Variants in MCTP2 observed in about 807,000 individuals in gnomAD.
MCTP2 encodes the protein multiple C2 and transmembrane domain-containing protein 2.
A neutral mutation model predicts 111.6 loss-of-function variants in MCTP2; 132 were observed. That is an observed-to-expected ratio of 1.18 (90% CI 1.03 to 1.37). The LOEUF (loss-of-function observed/expected upper bound fraction) is 1.37, where lower values mean the gene tolerates loss of function less well. MCTP2 is among the 40% of genes most tolerant of loss of function. MCTP2 has a pLI of 0.00. For missense variants in MCTP2, 1,183 were observed against 1,067.9 expected (o/e 1.11, Z -1.50); for synonymous variants, 395 against 387.7 (o/e 1.02, Z -0.22).
chr15:94,451,121 T>G (rs551797350), intron 19 of MCTP2, among the ~76,000 whole-genome samples: 3 of 152,362 alleles, frequency 2.0e-5, no homozygotes, highest in Non-Finnish European at 2.9e-5. Context: ...TTATTTGTTC[T>G]TAGTTCTGCT....
At chr15:94,355,069 C>T (rs538767214) in intron 8 of MCTP2, among the ~76,000 whole-genome samples, 5 of 152,286 alleles carry the variant, frequency 3.3e-5, no homozygotes, top group African/African-American at 4.8e-5. Flanking sequence ...CTAAATGCAG[C>T]GTGTGGATCA....
rs183182692 is a variant in MCTP2, at chr15:94,345,855, A to G, written c.1005+691A>G. On this transcript the variant is annotated intron_variant, in intron 8 of 22. Coordinates refer to ENST00000357742, the MANE Select transcript of MCTP2 (RefSeq NM_001385001.1). ...GGAGAAATTATACTTTGTAAGGAGA[A>G]ATAACAACAAAATAATTCCTACGAA... Among the ~76,000 whole-genome samples, 578 of 152,346 alleles carry G rather than the reference A, an allele frequency of 3.8e-3. 12 individuals are homozygous for G. Among genetic ancestry groups the G allele is most frequent in the Admixed American group, 0.035 (530 of 15,302 alleles).
At chr15:94,268,778 CT>C (rs68175885) in intron 1 of MCTP2, among the ~76,000 whole-genome samples, 4,825 of 137,974 alleles carry the variant, frequency 0.035, 236 homozygotes, top group African/African-American at 0.12. Flanking sequence ...TCTACATTGA[CT>C]TTTTTTTTTT....
At chr15:94,356,716 T>C (rs1337058366) in intron 9 of MCTP2, among the ~76,000 whole-genome samples, 1 of 152,216 alleles carries the variant, frequency 6.6e-6, no homozygotes, top group African/African-American at 2.4e-5. Flanking sequence ...TCTTGCTTGC[T>C]AGTCTTCACG....
intron 1 of MCTP2, among the ~76,000 whole-genome samples, chr15:94,251,454 G>T (rs1303052189): frequency 6.6e-6 from 1 of 151,970 alleles, no homozygotes; most frequent in East Asian, 1.9e-4. Context: ...CACCTCCCGG[G>T]TTCAAGCAAT....
intron 21 of MCTP2, 67 bp from the exon 22 acceptor site, chr15:94,476,629 T>C (rs1017093872): frequency 2.5e-6 from 2 of 811,990 alleles, no homozygotes; most frequent in South Asian, 1.5e-5. Context: ...GATAGATAGA[T>C]AGATAGATAG....
intron 17 of MCTP2, among the ~76,000 whole-genome samples, chr15:94,424,975 A>G (rs1045162371): frequency 2.0e-5 from 3 of 151,390 alleles, no homozygotes; most frequent in African/African-American, 4.9e-5. Flanking sequence ...TATTTTTTTC[A>G]TGCTGTTTGT....
chr15:94,412,812 A>AT (rs1277366675), intron 17 of MCTP2, among the ~76,000 whole-genome samples: 11 of 151,824 alleles, frequency 7.2e-5, no homozygotes, highest in Admixed American at 3.9e-4. Context: ...GAGACCCTCA[A>AT]TTTTTTTTGC....
At chr15:94,478,431 A>G (rs1296179842) in intron 22 of MCTP2, among the ~76,000 whole-genome samples, 1 of 152,226 alleles carries the variant, frequency 6.6e-6, no homozygotes, top group Admixed American at 6.5e-5. Context: ...ACTCATATTT[A>G]TCACAGATGT....
chr15:94,413,778 A>C (rs549612017), intron 17 of MCTP2, among the ~76,000 whole-genome samples: 3 of 152,242 alleles, frequency 2.0e-5, no homozygotes, highest in Admixed American at 6.5e-5. Context: ...GACAATACAT[A>C]GTGAATATGA....
intron 4 of MCTP2, among the ~76,000 whole-genome samples, chr15:94,336,235 C>T (rs560920850): frequency 6.6e-6 from 1 of 152,284 alleles, no homozygotes; most frequent in Admixed American, 6.5e-5. Context: ...ACTGGAATGA[C>T]CTTCTCTGCC....
chr15:94,458,910 A>G (rs979401574), intron 20 of MCTP2, among the ~76,000 whole-genome samples: 8 of 152,252 alleles, frequency 5.3e-5, no homozygotes, highest in Non-Finnish European at 1.2e-4. Context: ...TTATTTATAT[A>G]AACAGGTAAC....
At chr15:94,334,800 G>C (rs920342126) in intron 4 of MCTP2, among the ~76,000 whole-genome samples, 1 of 151,832 alleles carries the variant, frequency 6.6e-6, no homozygotes, top group African/African-American at 2.4e-5. Flanking sequence ...CTCCTGCCTT[G>C]ACCTCTCAAA....
intron 4 of MCTP2, among the ~76,000 whole-genome samples, chr15:94,337,677 G>A (rs1389435403): frequency 1.3e-5 from 2 of 152,050 alleles, no homozygotes; most frequent in Admixed American, 6.5e-5. Flanking sequence ...GTGTGTGTGT[G>A]TGTGTGTGCG....
chr15:94,382,109 C>A (rs553466276), intron 12 of MCTP2, among the ~76,000 whole-genome samples: 2 of 152,272 alleles, frequency 1.3e-5, no homozygotes, highest in African/African-American at 4.8e-5. Flanking sequence ...GCCCTTGCAT[C>A]GGTCTTGAGT....
intron 12 of MCTP2, among the ~76,000 whole-genome samples, chr15:94,382,672 C>T (rs983124494): frequency 3.3e-5 from 5 of 152,210 alleles, no homozygotes; most frequent in Non-Finnish European, 5.9e-5. Context: ...GTTCAGTGAC[C>T]CGAATGGTAG....
chr15:94,439,512 G>A (rs2083658301), intron 17 of MCTP2, among the ~76,000 whole-genome samples: 1 of 152,004 alleles, frequency 6.6e-6, no homozygotes, highest in African/African-American at 2.4e-5. Flanking sequence ...TGTGTTTCTT[G>A]GAGGTAGAAC....
rs534008320 is a variant in MCTP2, at chr15:94,311,443, T to G, written c.466-2839T>G. On this transcript the variant is annotated intron_variant, in intron 2 of 22. Transcript: ENST00000357742. The stretch of plus-strand genomic sequence containing the variant: ...TAAGTTAGTGATGTAGTTTCTAGGT[T>G]TATAAAGCAGGTGAAAATAATGCAA... Among the ~76,000 whole-genome samples, 7 of 152,296 alleles carry G rather than the reference T, an allele frequency of 4.6e-5. No homozygotes were observed. The South Asian group carries it at 1.4e-3, about 32-fold the overall frequency.
intron 1 of MCTP2, among the ~76,000 whole-genome samples, chr15:94,245,981 C>A (rs910538719): frequency 6.6e-6 from 1 of 151,940 alleles, no homozygotes; most frequent in East Asian, 1.9e-4. Context: ...CTCTTCGGAG[C>A]AGAGAGGATT....
Sources: gnomAD v4.1 joint callset for allele counts (sites outside exome capture counted in the v4.1 genomes callset) on GRCh38, gnomAD v4.1.1 for gene constraint, MANE v1.5 for transcripts, NCBI Gene and HGNC (gene_info 2026-07-23, HGNC 2026-07-21) for gene names.